The following TET2 variants were observed in gnomAD, a reference collection of about 807,000 sequenced individuals.
TET2 encodes the protein tet methylcytosine dioxygenase 2.
TET2 carries 299 observed loss-of-function variants against 142.9 expected under a neutral mutation model. That is an observed-to-expected ratio of 2.09 (90% CI 1.90 to 2.30). TET2 has a LOEUF of 2.30. Ranked by LOEUF, TET2 falls within the 30% of genes most tolerant of loss-of-function variation. The pLI, the probability that TET2 is intolerant of heterozygous loss-of-function variation, is 0.00. For synonymous variants in TET2, 819 were observed against 849.0 expected (o/e 0.96, Z 0.61); for missense variants, 2,418 against 2,378.0 (o/e 1.02, Z -0.35).
In TET2 at chr4:105,234,036, A is replaced by T. The variant is rs2110219561; in HGVS notation, c.94A>T (p.Thr32Ser). 1 of 1,614,118 alleles carries T rather than the reference A, an allele frequency of 6.2e-7. No homozygotes were observed. Residue 32 changes from threonine (T) to serine (S), a missense_variant, in exon 3 of 11, where the codon ACA becomes TCA. Transcript: ENST00000380013. ...PPICQTEPLA[T>S]KLQNGSPLPE... The stretch of plus-strand genomic sequence containing the variant: ...CATTTGCCAGACAGAACCTCTGGCT[A>T]CAAAGCTCCAGAATGGAAGCCCACT...
chr4:105,232,791 C>T (rs1016931410), intron 2 of TET2, among the ~76,000 whole-genome samples: 2 of 152,180 alleles, frequency 1.3e-5, no homozygotes, highest in Non-Finnish European at 2.9e-5. Flanking sequence ...AAGATTTGGG[C>T]AGCCAGCCCC....
At chr4:105,266,776 T>C (rs967547737) in intron 8 of TET2, among the ~76,000 whole-genome samples, 1 of 152,032 alleles carries the variant, frequency 6.6e-6, no homozygotes, top group South Asian at 2.1e-4. Context: ...TACACTAATA[T>C]ATGTGTAATT....
chr4:105,149,777 GA>G (rs1325183859), intron 1 of TET2, among the ~76,000 whole-genome samples: 1 of 152,186 alleles, frequency 6.6e-6, no homozygotes, highest in Non-Finnish European at 1.5e-5. Context: ...AATTAGGTCT[GA>G]TGTGCCAGTT....
rs1448830927 is a variant in TET2, at chr4:105,235,453, A to G, written c.1511A>G (p.Lys504Arg). 1 of 1,614,178 alleles carries G rather than the reference A, an allele frequency of 6.2e-7. No individual in the cohort carries two copies. The highest frequency in any genetic ancestry group is 1.1e-5 in the South Asian group (1 of 91,082). ...ATGACTGTTCCATTGTGTTCTGAGA[A>G]AACAAGACCAATGTCAGAACACCTC... is the stretch of plus-strand genomic sequence containing the variant. ...GTMTVPLCSE[K>R]TRPMSEHLKH... Residue 504 changes from lysine (K) to arginine (R), a missense_variant, in exon 3 of 11, where the codon AAA (lysine) becomes AGA (arginine). Coordinates refer to ENST00000380013, the MANE Select transcript of TET2 (RefSeq NM_001127208.3).
intron 1 of TET2, among the ~76,000 whole-genome samples, chr4:105,151,849 T>C (rs531765777): frequency 6.6e-6 from 1 of 151,856 alleles, no homozygotes; most frequent in South Asian, 2.1e-4. Flanking sequence ...ACAAGGCAGG[T>C]GGATGACCTG....
chr4:105,246,055 C>A (rs1333217324), intron 6 of TET2, among the ~76,000 whole-genome samples: 1 of 152,076 alleles, frequency 6.6e-6, no homozygotes, highest in African/African-American at 2.4e-5. Context: ...CACAGCCTCC[C>A]GAGTAGCTAG....
chr4:105,272,956 G>C, intron 10 of TET2, 38 bp downstream of exon 10: 1 of 1,443,600 alleles, frequency 6.9e-7, no homozygotes, highest in Non-Finnish European at 9.2e-7. Flanking sequence ...TAAATGTGTT[G>C]TGTGGTATAT....
chr4:105,246,735 C>T (rs1407755602), intron 6 of TET2, among the ~76,000 whole-genome samples: 9 of 152,160 alleles, frequency 5.9e-5, no homozygotes, highest in Non-Finnish European at 1.3e-4. Context: ...ATTGGGGCTG[C>T]GGACTCAGTT....
In TET2 at chr4:105,236,867, T is replaced by C; in HGVS notation, c.2925T>C (p.Ser975=). Residue 975 remains serine (S), a synonymous_variant, in exon 3 of 11, where the codon AGT becomes AGC. Coordinates refer to ENST00000380013, the MANE Select transcript of TET2 (RefSeq NM_001127208.3). ...TQQPQTESCH[S]QMHRPIKVEP... is the part of the protein sequence containing the mutation. ...AACCCCAAACTGAGTCTTGCCATAG[T>C]CAGATGCACAGGCCAATTAAGGTGG... The C allele has an allele frequency of 6.2e-7, 1 of 1,614,000 alleles. No individual in the cohort carries two copies. The highest frequency in any genetic ancestry group is 8.5e-7 in the Non-Finnish European group (1 of 1,179,998).
intron 1 of TET2, among the ~76,000 whole-genome samples, chr4:105,163,566 T>C (rs1023213602): frequency 2.6e-5 from 4 of 152,178 alleles, no homozygotes; most frequent in Non-Finnish European, 5.9e-5. Flanking sequence ...CTAAGCACTT[T>C]CCAAAGATTA....
rs1223795843 is a variant in TET2, at chr4:105,235,003, C to G, written c.1061C>G (p.Ser354Ter). The change falls in exon 3 of 11, where the codon TCA becomes TGA. Residue 354 changes from serine to a stop codon, truncating the protein, a stop_gained. Coordinates refer to ENST00000380013, the MANE Select transcript of TET2 (RefSeq NM_001127208.3). LOFTEE classifies it high-confidence loss of function. ...TKLASGEEFC[S>*]GSSSNLQAPG... is the part of the protein sequence containing the mutation. ...CTAGCGTCTGGTGAAGAATTCTGTTCAGGTTCCAGCAGCAATTTGCAAGCT... is the reference window on the plus strand; with the variant it reads ...CTAGCGTCTGGTGAAGAATTCTGTTGAGGTTCCAGCAGCAATTTGCAAGCT... 6.2e-7 allele frequency: 1 copy of G among 1,614,060 alleles called. No individual in the cohort carries two copies. Among genetic ancestry groups the G allele is most frequent in the Non-Finnish European group, 8.5e-7 (1 of 1,179,984 alleles).
chr4:105,275,135 A>G lies in TET2; in HGVS notation c.4625A>G (p.Gln1542Arg). ...QKQPPQPQQQ[Q>R]RPQQQQPHHP... is the part of the protein sequence containing the mutation. ...CAGCCACCACAGCCCCAGCAGCAGC[A>G]GAGACCCCAGCAGCAGCAGCCACAT... is the stretch of plus-strand genomic sequence containing the variant. Residue 1542 changes from glutamine (Q) to arginine (R), a missense_variant, in exon 11 of 11, where the codon CAG becomes CGG. Coordinates refer to ENST00000380013, the MANE Select transcript of TET2 (RefSeq NM_001127208.3). 6.4e-7 allele frequency: 1 copy of G among 1,551,644 alleles called. No homozygotes were observed. Among genetic ancestry groups the G allele is most frequent in the African/African-American group, 1.4e-5 (1 of 73,148 alleles).
intron 2 of TET2, among the ~76,000 whole-genome samples, chr4:105,227,300 C>T (rs1280030011): frequency 7.2e-5 from 11 of 152,204 alleles, no homozygotes; most frequent in African/African-American, 2.7e-4. Flanking sequence ...ATATAAACTT[C>T]GTAACCAGTT....
At chr4:105,238,208 T>C (rs1729070064) in intron 3 of TET2, 1 of 235,006 alleles carries the variant, frequency 4.3e-6, no homozygotes, top group African/African-American at 2.2e-5. Flanking sequence ...TAGTGAGTGC[T>C]AATCTTTTTG....
chr4:105,237,284 T>G lies in TET2; in HGVS notation c.3342T>G (p.Thr1114=), dbSNP rs1421890802. 6.2e-7 allele frequency: 1 copy of G among 1,614,120 alleles called. No homozygotes were observed. Among genetic ancestry groups the G allele is most frequent in the Non-Finnish European group, 8.5e-7 (1 of 1,179,966 alleles). The change falls in exon 3 of 11, where the codon ACT becomes ACG. Residue 1114 remains threonine (T), a synonymous_variant. Transcript: ENST00000380013. ...FIESPSKLLD[T]PIKNLLDTPV... The stretch of plus-strand genomic sequence containing the variant: ...AGTCACCTTCCAAATTACTAGATAC[T>G]CCTATAAAAAATTTATTGGATACAC...
intron 6 of TET2, among the ~76,000 whole-genome samples, chr4:105,248,958 CTCAT>C (rs1729721515): frequency 1.4e-5 from 2 of 147,902 alleles, no homozygotes; most frequent in Admixed American, 6.7e-5. Context: ...GTTTTCAAGT[CTCAT>C]TCATTTTATT....
At chr4:105,176,435 G>A (rs1447688952) in intron 1 of TET2, among the ~76,000 whole-genome samples, 1 of 152,104 alleles carries the variant, frequency 6.6e-6, no homozygotes, top group African/African-American at 2.4e-5. Context: ...AATGATTATT[G>A]TAAGGTTACA....
chr4:105,269,516 T>G (rs1480271718), intron 8 of TET2, 94 bp from the exon 9 acceptor site: 3 of 1,336,250 alleles, frequency 2.2e-6, no homozygotes, highest in African/African-American at 3.0e-5. Flanking sequence ...TCAAAACATT[T>G]TTTTAAAGTT....
Position 105,269,689 on chromosome 4 carries a change from T to A in TET2, c.4124T>A (p.Leu1375Ter), listed in dbSNP as rs2110300778. 1 of 1,551,702 alleles carries A rather than the reference T, an allele frequency of 6.4e-7. No homozygotes were observed. The change falls in exon 9 of 11, where the codon TTG (leucine) becomes TAG (stop). Residue 1375 changes from leucine to a stop codon, truncating the protein, a stop_gained. Coordinates refer to ENST00000380013, the MANE Select transcript of TET2 (RefSeq NM_001127208.3). LOFTEE classifies it high-confidence loss of function. Reference protein sequence around the residue: ...GRPFSGVTACLDFCAHAHRDL... With the variant: ...GRPFSGVTAC ...CCATTCTCAGGGGTCACTGCATGTTTGGACTTCTGTGCTCATGCCCACAGA... is the reference window on the plus strand; with the variant it reads ...CCATTCTCAGGGGTCACTGCATGTTAGGACTTCTGTGCTCATGCCCACAGA...
Sources: allele counts gnomAD v4.1 joint callset (sites outside exome capture counted in the v4.1 genomes callset), GRCh38; gene constraint gnomAD v4.1.1; transcripts MANE v1.5; gene names NCBI Gene and HGNC (gene_info 2026-07-23, HGNC 2026-07-21).